The following DPYD variants were observed in gnomAD, a reference collection of about 807,000 sequenced individuals.
The protein encoded by DPYD is dihydropyrimidine dehydrogenase [NADP(+)].
DPYD carries 109 observed loss-of-function variants against 116.2 expected under a neutral mutation model. The ratio of observed to expected loss-of-function variants is 0.94; its 90% CI spans 0.80 to 1.10. The LOEUF is 1.10. DPYD is among the 50% of genes least tolerant of loss of function. The pLI is 0.00. For missense variants in DPYD, 1,302 were observed against 1,254.5 expected (o/e 1.04, Z -0.57); for synonymous variants, 440 against 432.0 (o/e 1.02, Z -0.23).
rs1012069905 is a variant in DPYD at position 97,740,298 on chromosome 1, A to T, written c.321+94T>A. ...AAGTCATATTTAATGGTTTAACTGGATTTGCTAAGACAAGCTGTATTCTGT... is the reference window on the plus strand; with the variant it reads ...AAGTCATATTTAATGGTTTAACTGGTTTTGCTAAGACAAGCTGTATTCTGT... On this transcript the variant is annotated intron_variant, in intron 4 of 22. Coordinates refer to ENST00000370192, the MANE Select transcript of DPYD (RefSeq NM_000110.4). The T allele has an allele frequency of 1.1e-5, 12 of 1,056,408 alleles. No homozygotes were observed. The South Asian group carries it at 1.2e-4, about 10-fold the overall frequency. The allele number at this position is 1,056,408 out of a possible 1,614,324, so 65.4% of individuals were successfully genotyped here.
At chr1:97,156,111 A>T (rs1467318367) in intron 20 of DPYD, among the ~76,000 whole-genome samples, 9 of 152,190 alleles carry the variant, frequency 5.9e-5, no homozygotes, top group Admixed American at 5.9e-4. Flanking sequence ...ATAATGTTTT[A>T]AATAAAATGT....
At chr1:97,610,987 A>ATATG (rs1553204970) in intron 8 of DPYD, among the ~76,000 whole-genome samples, 8 of 151,390 alleles carry the variant, frequency 5.3e-5, no homozygotes, top group Non-Finnish European at 1.0e-4. Context: ...GTATATATAT[A>ATATG]TGTGTGTGTG....
chr1:97,083,336 G>A (rs1649296606), intron 21 of DPYD, among the ~76,000 whole-genome samples: 1 of 151,996 alleles, frequency 6.6e-6, no homozygotes, highest in Non-Finnish European at 1.5e-5. Flanking sequence ...TGTTCAAGGA[G>A]GTTTGACTCT....
At chr1:97,732,991 C>T (rs1235925184) in intron 4 of DPYD, among the ~76,000 whole-genome samples, 1 of 151,792 alleles carries the variant, frequency 6.6e-6, no homozygotes, top group Non-Finnish European at 1.5e-5. Context: ...AAATATACTA[C>T]ACAGCAAAGA....
intron 2 of DPYD, among the ~76,000 whole-genome samples, chr1:97,879,171 A>G (rs1185688448): frequency 6.6e-6 from 1 of 151,968 alleles, no homozygotes; most frequent in East Asian, 1.9e-4. Flanking sequence ...ATGGATGATA[A>G]AATATAATGT....
intron 8 of DPYD, among the ~76,000 whole-genome samples, chr1:97,665,282 A>C (rs1349092690): frequency 6.6e-6 from 1 of 152,200 alleles, no homozygotes; most frequent in African/African-American, 2.4e-5. Flanking sequence ...TTTAGAAAAT[A>C]ATTTGAGTCC....
intron 10 of DPYD, among the ~76,000 whole-genome samples, chr1:97,588,375 A>T (rs1055673389): frequency 3.3e-5 from 5 of 152,074 alleles, no homozygotes; most frequent in African/African-American, 9.6e-5. Context: ...TTGTGCTATT[A>T]AAAGTAAATT....
intron 3 of DPYD, among the ~76,000 whole-genome samples, chr1:97,827,604 G>T (rs990091587): frequency 2.2e-4 from 33 of 151,988 alleles, no homozygotes; most frequent in African/African-American, 8.0e-4. Context: ...GCTCATTATA[G>T]ACCACTATAG....
chr1:97,277,340 G>A (rs1005746556), intron 18 of DPYD, among the ~76,000 whole-genome samples: 10 of 151,396 alleles, frequency 6.6e-5, no homozygotes, highest in Admixed American at 1.3e-4. Flanking sequence ...AGACCTGCAC[G>A]TGTACCCTTG....
At chr1:97,571,777 G>A (rs574295216) in intron 11 of DPYD, among the ~76,000 whole-genome samples, 1 of 151,996 alleles carries the variant, frequency 6.6e-6, no homozygotes, top group South Asian at 2.1e-4. Context: ...ATATATGTGT[G>A]CACATGACAG....
chr1:97,291,132 A>G (rs1350686768), intron 18 of DPYD, among the ~76,000 whole-genome samples: 3 of 152,346 alleles, frequency 2.0e-5, no homozygotes, highest in African/African-American at 4.8e-5. Flanking sequence ...CAAAACCACA[A>G]TGATATACCA....
rs144633497 is a variant in DPYD at position 97,119,762 on chromosome 1, C to T, written c.2623-21130G>A. 4.3e-3 allele frequency among the ~76,000 whole-genome samples: 648 copies of T among 152,246 alleles called. 4 individuals are homozygous for T. The highest frequency in any genetic ancestry group is 0.015 in the African/African-American group (614 of 41,560). On this transcript the variant is annotated intron_variant, in intron 20 of 22. Transcript: ENST00000370192. ...CTTTTCTGAAAACAAAACCCTCTAC[C>T]ACCTGCCATCCATTATTCCACCAGC... is the stretch of plus-strand genomic sequence containing the variant.
intron 2 of DPYD, among the ~76,000 whole-genome samples, chr1:97,867,931 T>C (rs893076998): frequency 6.6e-6 from 1 of 151,742 alleles, no homozygotes; most frequent in Non-Finnish European, 1.5e-5. Flanking sequence ...AAAGGTTCAG[T>C]TGTGTGTTTG....
At chr1:97,505,469 A>G (rs1256140019) in intron 13 of DPYD, among the ~76,000 whole-genome samples, 2 of 151,618 alleles carry the variant, frequency 1.3e-5, no homozygotes, top group East Asian at 1.9e-4. Context: ...AATATTGAAA[A>G]TAAAAAATTA....
intron 15 of DPYD, among the ~76,000 whole-genome samples, chr1:97,376,113 C>T (rs1200560641): frequency 6.6e-6 from 1 of 152,164 alleles, no homozygotes; most frequent in Non-Finnish European, 1.5e-5. Flanking sequence ...ATCATTTCTA[C>T]TTTACAATTG....
intron 18 of DPYD, among the ~76,000 whole-genome samples, chr1:97,275,985 A>G (rs1229943719): frequency 6.6e-6 from 1 of 151,640 alleles, no homozygotes; most frequent in African/African-American, 2.4e-5. Context: ...CTTTATCTGT[A>G]TGCATTTCTT....
intron 13 of DPYD, among the ~76,000 whole-genome samples, chr1:97,496,666 C>G (rs894859598): frequency 6.6e-6 from 1 of 151,962 alleles, no homozygotes; most frequent in Non-Finnish European, 1.5e-5. Flanking sequence ...TTTGGACAGG[C>G]ACTATGCAGG....
chr1:97,558,172 C>A (rs915287128), intron 11 of DPYD, among the ~76,000 whole-genome samples: 1 of 152,124 alleles, frequency 6.6e-6, no homozygotes, highest in African/African-American at 2.4e-5. Flanking sequence ...TTTTCCCCCC[C>A]TTTCTAGTGA....
intron 16 of DPYD, among the ~76,000 whole-genome samples, chr1:97,348,782 T>G (rs1669984309): frequency 6.6e-6 from 1 of 152,128 alleles, no homozygotes; most frequent in Non-Finnish European, 1.5e-5. Context: ...AGCTGTCATG[T>G]GTGACACAAT....
Sources: allele counts gnomAD v4.1 joint callset (sites outside exome capture counted in the v4.1 genomes callset), GRCh38; gene constraint gnomAD v4.1.1; transcripts MANE v1.5; gene names NCBI Gene and HGNC (gene_info 2026-07-23, HGNC 2026-07-21).